Variants in BBS9 observed in about 807,000 individuals in gnomAD.
The protein encoded by BBS9 is Bardet-Biedl syndrome 9.
BBS9 carries 89 observed loss-of-function variants against 117.7 expected under a neutral mutation model. The observed-to-expected ratio is 0.76, with a 90% CI of 0.64 to 0.90. The LOEUF (loss-of-function observed/expected upper bound fraction) is 0.90. Among genes scored for constraint, BBS9 ranks in the 40% least tolerant of loss-of-function variants. BBS9 has a pLI of 0.00. For missense variants in BBS9, 982 were observed against 1,042.2 expected (o/e 0.94, Z 0.80); for synonymous variants, 379 against 370.9 (o/e 1.02, Z -0.25).
intron 21 of BBS9, among the ~76,000 whole-genome samples, chr7:33,536,118 A>G (rs141683067): frequency 6.6e-6 from 1 of 152,268 alleles, no homozygotes; most frequent in Non-Finnish European, 1.5e-5. Context: ...AAGAAGAAAG[A>G]TGGACAGTGT....
Position 33,182,215 on chromosome 7 carries a change from C to T in BBS9, c.442+4624C>T, listed in dbSNP as rs1245741439. Among the ~76,000 whole-genome samples the T allele has an allele frequency of 5.9e-5, 9 of 152,318 alleles. No homozygotes were observed. In the East Asian group the frequency reaches 1.5e-3, roughly 26 times the overall value. ...TCAAAAGCACATTTCATTTTCCTGACACACCTTGCATATAAAACTCTTTCT... is the reference window on the plus strand; with the variant it reads ...TCAAAAGCACATTTCATTTTCCTGATACACCTTGCATATAAAACTCTTTCT... On this transcript the variant is annotated intron_variant, in intron 5 of 22. Coordinates refer to ENST00000242067, the MANE Select transcript of BBS9 (RefSeq NM_198428.3).
chr7:33,455,083 T>C (rs1405162423), intron 19 of BBS9, among the ~76,000 whole-genome samples: 1 of 152,250 alleles, frequency 6.6e-6, no homozygotes, highest in African/African-American at 2.4e-5. Context: ...AGGTGATATA[T>C]GCAGAGTATT....
chr7:33,156,979 A>G (rs1190603564), intron 4 of BBS9, among the ~76,000 whole-genome samples: 2 of 152,084 alleles, frequency 1.3e-5, no homozygotes, highest in Non-Finnish European at 2.9e-5. Flanking sequence ...TTTTGACCGT[A>G]AGCCTGTTAT....
At chr7:33,476,836 G>A (rs368970205) in intron 19 of BBS9, among the ~76,000 whole-genome samples, 8 of 152,292 alleles carry the variant, frequency 5.3e-5, no homozygotes, top group African/African-American at 4.8e-5. Context: ...TTAAAATAAA[G>A]TGTAAATTAA....
intron 17 of BBS9, among the ~76,000 whole-genome samples, chr7:33,383,429 ATG>A (rs1825438593): frequency 6.6e-6 from 1 of 152,218 alleles, no homozygotes; most frequent in African/African-American, 2.4e-5. Flanking sequence ...AAAAAGGACC[ATG>A]CTTTACACTT....
chr7:33,188,134 T>G (rs919506004), intron 5 of BBS9, among the ~76,000 whole-genome samples: 361 of 27,604 alleles, frequency 0.013, no homozygotes, highest in African/African-American at 0.034. Flanking sequence ...TGGGGTAGGG[T>G]GGGGGGAGGG....
rs1803873818 is a variant in BBS9 at position 33,290,702 on chromosome 7, T to C, written c.1016+16746T>C. 1.3e-5 allele frequency among the ~76,000 whole-genome samples: 2 copies of C among 152,206 alleles called. 1 individual carries two copies. Among genetic ancestry groups the C allele is most frequent in the African/African-American group, 4.8e-5 (2 of 41,432 alleles). On this transcript the variant is annotated intron_variant, in intron 9 of 22. Transcript: ENST00000242067. ...AGAAGTAATGCCCAGGCAGACATAC[T>C]CTAAGATTAGAACAGAATTCTCAGT...
At chr7:33,406,136 A>C (rs1288384729) in intron 19 of BBS9, among the ~76,000 whole-genome samples, 1 of 152,036 alleles carries the variant, frequency 6.6e-6, no homozygotes, top group Non-Finnish European at 1.5e-5. Flanking sequence ...TTCAGTTTCC[A>C]TGTAGTTGAG....
chr7:33,328,056 G>C (rs546061035), intron 9 of BBS9, among the ~76,000 whole-genome samples: 1 of 152,156 alleles, frequency 6.6e-6, no homozygotes, highest in South Asian at 2.1e-4. Context: ...TACATGTCTG[G>C]CTGGAGATAT....
chr7:33,399,034 A>C (rs1178728496), intron 19 of BBS9, among the ~76,000 whole-genome samples: 2 of 152,228 alleles, frequency 1.3e-5, no homozygotes, highest in Non-Finnish European at 2.9e-5. Flanking sequence ...ACATGTAGTA[A>C]AATTAAAATT....
chr7:33,229,709 G>A lies in BBS9; in HGVS notation c.443-27527G>A, dbSNP rs191286229. Among the ~76,000 whole-genome samples, 311 of 152,128 alleles carry A rather than the reference G, an allele frequency of 2.0e-3. 1 individual carries two copies. Among genetic ancestry groups the A allele is most frequent in the African/African-American group, 6.4e-3 (265 of 41,522 alleles). On this transcript the variant is annotated intron_variant, in intron 5 of 22. Transcript: ENST00000242067. The stretch of plus-strand genomic sequence containing the variant: ...TATCATGGCTATTGTGAATAATGCC[G>A]CAATAAACATGGAAGTGCAAATGTC...
chr7:33,476,012 A>G (rs1229908815), intron 19 of BBS9, among the ~76,000 whole-genome samples: 1 of 152,196 alleles, frequency 6.6e-6, no homozygotes, highest in Non-Finnish European at 1.5e-5. Flanking sequence ...TGATAAGTAA[A>G]ATATCCTATC....
chr7:33,448,593 CTGTAA>C (rs1261958366), intron 19 of BBS9, among the ~76,000 whole-genome samples: 1 of 152,186 alleles, frequency 6.6e-6, no homozygotes, highest in Non-Finnish European at 1.5e-5. Context: ...GGCCCAATAC[CTGTAA>C]TGTAAGCATT....
intron 21 of BBS9, among the ~76,000 whole-genome samples, chr7:33,535,802 A>T (rs1410613251): frequency 6.6e-6 from 1 of 152,002 alleles, no homozygotes; most frequent in Non-Finnish European, 1.5e-5. Context: ...TTTACAAAAA[A>T]GAGAGAGAGA....
At chr7:33,582,972 C>T (rs1164483073) in intron 21 of BBS9, among the ~76,000 whole-genome samples, 1 of 152,126 alleles carries the variant, frequency 6.6e-6, no homozygotes, top group East Asian at 1.9e-4. Context: ...ATGTGGGAGC[C>T]TGTACTTTCT....
intron 18 of BBS9, among the ~76,000 whole-genome samples, chr7:33,385,250 G>T (rs1200646792): frequency 6.6e-6 from 1 of 152,104 alleles, no homozygotes; most frequent in Non-Finnish European, 1.5e-5. Flanking sequence ...CTTTTCTGAG[G>T]AGGGACTTAG....
At chr7:33,403,928 A>G (rs1829427160) in intron 19 of BBS9, among the ~76,000 whole-genome samples, 1 of 152,154 alleles carries the variant, frequency 6.6e-6, no homozygotes, top group Admixed American at 6.5e-5. Context: ...TTACAGTCCC[A>G]CCAACAGTGT....
rs191109668 is a variant in BBS9, at chr7:33,220,394, G to A, written c.443-36842G>A. Among the ~76,000 whole-genome samples, 457 of 152,334 alleles carry A rather than the reference G, an allele frequency of 3.0e-3. 8 individuals carry two copies. Among genetic ancestry groups the A allele is most frequent in the East Asian group, 4.4e-3 (23 of 5,188 alleles). The stretch of plus-strand genomic sequence containing the variant: ...GACCCCTTGTTGCTAAATGTGAGAA[G>A]CTCTCTGAGATTGCGATGTTGAGGT... On this transcript the variant is annotated intron_variant, in intron 5 of 22. Transcript: ENST00000242067.
chr7:33,323,398 A>G (rs1015027271), intron 9 of BBS9, among the ~76,000 whole-genome samples: 1 of 152,102 alleles, frequency 6.6e-6, no homozygotes, highest in Non-Finnish European at 1.5e-5. Flanking sequence ...AATTTGCTTC[A>G]TTTATTTGGA....
Sources: gnomAD v4.1 joint callset for allele counts (sites outside exome capture counted in the v4.1 genomes callset) on GRCh38, gnomAD v4.1.1 for gene constraint, MANE v1.5 for transcripts, NCBI Gene and HGNC (gene_info 2026-07-23, HGNC 2026-07-21) for gene names.